TDP1: variants seen among roughly 807,000 people sequenced by gnomAD.
TDP1 encodes the protein tyrosyl-DNA phosphodiesterase 1.
Under a neutral mutation model 81.5 loss-of-function variants are expected in TDP1, and 64 were observed. The ratio of observed to expected loss-of-function variants is 0.79; its 90% CI spans 0.64 to 0.97. The LOEUF (loss-of-function observed/expected upper bound fraction) is 0.97. Among genes scored for constraint, TDP1 ranks in the 50% least tolerant of loss-of-function variants. The probability of loss-of-function intolerance (pLI) is 0.00; values close to 1 mark genes in which losing one functional copy is unlikely to be tolerated. For synonymous variants in TDP1, 256 were observed against 264.3 expected, an observed-to-expected ratio of 0.97 and a Z score of 0.30; for missense variants, 723 against 743.8, an observed-to-expected ratio of 0.97 and a Z score of 0.33.
intron 4 of TDP1, chr14:89,966,925 G>A: frequency 1.1e-6 from 1 of 943,390 alleles, no homozygotes; most frequent in Non-Finnish European, 1.3e-6. Context: ...TGTGTACAAA[G>A]CTAGCTAATA....
intron 16 of TDP1, among the ~76,000 whole-genome samples, chr14:90,039,434 C>T (rs1283276591): frequency 1.3e-5 from 2 of 151,932 alleles, no homozygotes; most frequent in African/African-American, 4.8e-5. Context: ...TTTACTTATT[C>T]CTGGTATAAG....
At chr14:89,987,618 T>C (rs1895712005) in intron 10 of TDP1, among the ~76,000 whole-genome samples, 1 of 152,098 alleles carries the variant, frequency 6.6e-6, no homozygotes, top group African/African-American at 2.4e-5. Flanking sequence ...AACTAGGTTG[T>C]AAAGATGGCT....
rs1279045382 is a variant in TDP1, at chr14:89,971,173, A to T, written c.660-2A>T. ...TATTAAATACTAATGCTCTCTTTTT[A>T]GGAAGAAGCCAATCCTGCTTGTGCA... On this transcript the variant is annotated splice_acceptor_variant, in intron 5 of 16. Transcript: ENST00000335725. LOFTEE classifies it high-confidence loss of function. The T allele has an allele frequency of 1.2e-6, 2 of 1,613,116 alleles. No homozygotes were observed. The highest frequency in any genetic ancestry group is 2.2e-5 in the South Asian group (2 of 91,066).
intron 2 of TDP1, among the ~76,000 whole-genome samples, chr14:89,959,146 AT>A (rs1892032366): frequency 6.6e-6 from 1 of 152,224 alleles, no homozygotes; most frequent in Admixed American, 6.5e-5. Context: ...TGCCGTTCTG[AT>A]TGAGTGCCAG....
At chr14:90,000,077 G>A (rs1420021523) in intron 14 of TDP1, among the ~76,000 whole-genome samples, 3 of 152,098 alleles carry the variant, frequency 2.0e-5, no homozygotes, top group Non-Finnish European at 2.9e-5. Context: ...TCAAGCTCAC[G>A]GTTGCTTGTG....
At chr14:89,988,144 G>A (rs1021684272) in intron 10 of TDP1, among the ~76,000 whole-genome samples, 2 of 152,158 alleles carry the variant, frequency 1.3e-5, no homozygotes. Flanking sequence ...ATAGGGGAAG[G>A]GGCACAGAGC....
At chr14:89,998,016 G>C (rs1299167446) in intron 14 of TDP1, among the ~76,000 whole-genome samples, 1 of 152,062 alleles carries the variant, frequency 6.6e-6, no homozygotes, top group Admixed American at 6.6e-5. Context: ...AAGTGCTATA[G>C]AGAAAAAATA....
intron 14 of TDP1, among the ~76,000 whole-genome samples, chr14:90,007,693 C>T (rs1884207504): frequency 6.6e-6 from 1 of 152,120 alleles, no homozygotes; most frequent in African/African-American, 2.4e-5. Context: ...GTAACCTCCA[C>T]TTCTCGGGCT....
chr14:90,017,000 A>G (rs916634047), intron 14 of TDP1, among the ~76,000 whole-genome samples: 1 of 152,200 alleles, frequency 6.6e-6, no homozygotes, highest in East Asian at 1.9e-4. Context: ...AGCCCAGTCC[A>G]GTAGAAAAAA....
At chr14:89,970,108 C>T (rs1297870677) in intron 5 of TDP1, among the ~76,000 whole-genome samples, 1 of 151,854 alleles carries the variant, frequency 6.6e-6, no homozygotes, top group Non-Finnish European at 1.5e-5. Context: ...GATCTCCTGA[C>T]CTCGTGATCT....
At chr14:89,975,689 A>G in intron 6 of TDP1, 92 bp from the exon 7 acceptor site, 5 of 1,270,830 alleles carry the variant, frequency 3.9e-6, no homozygotes, top group East Asian at 2.3e-5. Flanking sequence ...TTTTAAAAAA[A>G]AAAGTTGACC....
chr14:90,000,708 G>A lies in TDP1; in HGVS notation c.1541+7225G>A, dbSNP rs1315530. ...CCCACTGATATTTCTTTCCTGGTTC[G>A]ATTTACCCATCTTATTCTCCAATTT... On this transcript the variant is annotated intron_variant, in intron 14 of 16. Coordinates refer to ENST00000335725, the MANE Select transcript of TDP1 (RefSeq NM_018319.4). Among the ~76,000 whole-genome samples the A allele has an allele frequency of 7.7e-3, 1,178 of 152,178 alleles. 10 individuals carry two copies. Among genetic ancestry groups the A allele is most frequent in the African/African-American group, 0.027 (1,113 of 41,500 alleles).
chr14:89,993,633 T>C, intron 14 of TDP1, 150 bp downstream of exon 14: 2 of 1,226,748 alleles, frequency 1.6e-6, no homozygotes, highest in Non-Finnish European at 2.3e-6. Flanking sequence ...TTTAAAGGCA[T>C]CCCATGACTA....
intron 10 of TDP1, among the ~76,000 whole-genome samples, chr14:89,986,302 G>A (rs1195784561): frequency 2.6e-5 from 4 of 152,174 alleles, no homozygotes; most frequent in African/African-American, 9.7e-5. Flanking sequence ...TACAAGCCGT[G>A]TGACCTCGAC....
At chr14:89,966,898 G>A (rs950675388) in intron 4 of TDP1, 1 of 720,856 alleles carries the variant, frequency 1.4e-6, no homozygotes, top group Non-Finnish European at 1.7e-6. Flanking sequence ...CCTAGTGAAT[G>A]TCTGGTCCCA....
intron 15 of TDP1, among the ~76,000 whole-genome samples, chr14:90,024,333 C>G (rs1369494456): frequency 2.0e-5 from 3 of 152,226 alleles, no homozygotes; most frequent in Admixed American, 2.0e-4. Flanking sequence ...CCTGCTGCAC[C>G]TGTCTCCACT....
chr14:89,968,478 T>G (rs1893206245), intron 5 of TDP1, among the ~76,000 whole-genome samples: 1 of 152,192 alleles, frequency 6.6e-6, no homozygotes, highest in Non-Finnish European at 1.5e-5. Flanking sequence ...AAGGCCCACA[T>G]TCTAGCTATG....
rs34327131 is a variant in TDP1 at position 89,993,343 on chromosome 14, A to G, written c.1434-33A>G. Reference sequence around the variant, plus strand: ...TTAGGATTATGATCAATTTTATTTCATAATTAGTAACTTTTGTCTTTTCTG... The same window carrying G: ...TTAGGATTATGATCAATTTTATTTCGTAATTAGTAACTTTTGTCTTTTCTG... On this transcript the variant is annotated intron_variant, in intron 13 of 16. Coordinates refer to ENST00000335725, the MANE Select transcript of TDP1 (RefSeq NM_018319.4). 1,862 of 1,548,790 alleles carry G rather than the reference A, an allele frequency of 1.2e-3. 18 individuals are homozygous for G. In the African/African-American group the frequency reaches 0.022, roughly 19 times the overall value.
intron 16 of TDP1, among the ~76,000 whole-genome samples, chr14:90,038,708 C>G (rs1888062513): frequency 1.3e-5 from 2 of 152,074 alleles, no homozygotes; most frequent in East Asian, 3.9e-4. Flanking sequence ...TGTGGTGGCA[C>G]ATGCCTGTAA....
Sources: gnomAD v4.1 joint callset for allele counts (sites outside exome capture counted in the v4.1 genomes callset) on GRCh38, gnomAD v4.1.1 for gene constraint, MANE v1.5 for transcripts, NCBI Gene and HGNC (gene_info 2026-07-23, HGNC 2026-07-21) for gene names.